KDM4B: variants seen among roughly 807,000 people sequenced by gnomAD.
KDM4B encodes the protein lysine demethylase 4B, also known as lysine-specific demethylase 4B.
KDM4B carries 32 observed loss-of-function variants against 125.2 expected under a neutral mutation model. The observed-to-expected ratio is 0.26, with a 90% CI of 0.19 to 0.34. The LOEUF (loss-of-function observed/expected upper bound fraction) is 0.34, where lower values mean the gene tolerates loss of function less well. KDM4B is among the 10% of genes least tolerant of loss of function. The probability of loss-of-function intolerance (pLI) is 1.00; values close to 1 mark genes in which losing one functional copy is unlikely to be tolerated. For missense variants in KDM4B, 1,190 were observed against 1,577.7 expected, an observed-to-expected ratio of 0.75 and a Z score of 4.16; for synonymous variants, 721 against 677.9, an observed-to-expected ratio of 1.06 and a Z score of -0.99.
intron 6 of KDM4B, among the ~76,000 whole-genome samples, chr19:5,062,879 C>G (rs565594703): frequency 6.7e-6 from 1 of 149,774 alleles, no homozygotes; most frequent in South Asian, 2.1e-4. Context: ...CTCTTGGACT[C>G]CAGTGATCCT....
intron 1 of KDM4B, among the ~76,000 whole-genome samples, chr19:5,010,142 G>A (rs1033372627): frequency 3.9e-5 from 6 of 152,182 alleles, no homozygotes; most frequent in Non-Finnish European, 7.3e-5. Flanking sequence ...GGCTCCTCCA[G>A]GTGTGCCAAG....
intron 1 of KDM4B, among the ~76,000 whole-genome samples, chr19:4,989,694 C>T (rs2034971276): frequency 6.6e-6 from 1 of 151,584 alleles, no homozygotes; most frequent in Non-Finnish European, 1.5e-5. Context: ...ACTTTGTTGT[C>T]CAGGCTGGAG....
At chr19:5,028,816 C>T (rs2036361740) in intron 2 of KDM4B, among the ~76,000 whole-genome samples, 1 of 152,216 alleles carries the variant, frequency 6.6e-6, no homozygotes, top group Admixed American at 6.5e-5. Flanking sequence ...TTGCATTTCC[C>T]TGGTGCTGAG....
At position 5,082,444 on chromosome 19, in the gene KDM4B, C is replaced by T. The variant is rs138183740; in HGVS notation, c.858C>T (p.Cys286=). The T allele has an allele frequency of 5.1e-5, 83 of 1,613,302 alleles. No homozygotes were observed. The highest frequency in any genetic ancestry group is 1.5e-4 in the African/African-American group (11 of 74,916). The change falls in exon 9 of 23, where the codon TGC becomes TGT. Residue 286 remains cysteine, a synonymous_variant. Coordinates refer to ENST00000159111, the MANE Select transcript of KDM4B (RefSeq NM_015015.3). This position sits in a 1 kb window ranked among gnomAD's most constrained non-coding sequence, Gnocchi z 5.4. The stretch of plus-strand genomic sequence containing the variant: ...CCGGCTTCAATCACGGGTTCAACTG[C>T]GCAGAATCTACCAACTTCGCCACCC... The part of the protein sequence containing the change: ...YHAGFNHGFN[C]AESTNFATLR...
intron 1 of KDM4B, among the ~76,000 whole-genome samples, chr19:4,984,723 C>T (rs2034770154): frequency 6.6e-6 from 1 of 152,164 alleles, no homozygotes. Flanking sequence ...AAACACTCTC[C>T]TCTTGGTGAG....
chr19:5,051,588 G>A (rs962034044), intron 6 of KDM4B, among the ~76,000 whole-genome samples: 3 of 152,220 alleles, frequency 2.0e-5, no homozygotes, highest in Non-Finnish European at 2.9e-5. Context: ...CCAAGGCGGC[G>A]AGAGGAAGGC....
chr19:5,077,007 A>G, intron 7 of KDM4B: 1 of 265,486 alleles, frequency 3.8e-6, no homozygotes, highest in South Asian at 6.0e-5. Context: ...GCACCTTGTC[A>G]CACAAGTAAC....
intron 11 of KDM4B, among the ~76,000 whole-genome samples, chr19:5,129,181 A>G (rs547443640): frequency 6.6e-6 from 1 of 151,630 alleles, no homozygotes; most frequent in African/African-American, 2.4e-5. Flanking sequence ...TGTGGGGAGG[A>G]GAGCTGGAGC....
chr19:5,080,636 C>G (rs11673509), intron 8 of KDM4B: 7 of 152,174 alleles, frequency 4.6e-5, no homozygotes, highest in African/African-American at 1.4e-4. Flanking sequence ...GAAAACCGTT[C>G]GGCATTTTCT....
intron 6 of KDM4B, among the ~76,000 whole-genome samples, chr19:5,070,161 T>A (rs1211311921): frequency 6.6e-6 from 1 of 152,158 alleles, no homozygotes; most frequent in Non-Finnish European, 1.5e-5. Context: ...TGCCCTCAAG[T>A]CCCTGAGGCC....
intron 2 of KDM4B, among the ~76,000 whole-genome samples, chr19:5,028,043 C>G (rs1218697910): frequency 6.6e-6 from 1 of 152,178 alleles, no homozygotes. Context: ...GGGGTGCAGT[C>G]ATAGCTCACT....
Position 5,151,472 on chromosome 19 carries a change from C to A in KDM4B, c.3252C>A (p.Ser1084Arg). The change falls in exon 23 of 23, where the codon AGC becomes AGA. Residue 1084 changes from serine to arginine, a missense_variant. By Grantham distance (110) the Ser-to-Arg change is moderately radical (BLOSUM62 -1). Around this residue, in one of 7 missense-constraint regions of KDM4B, gnomAD observed 109 missense variants for 93.8 expected, o/e 1.16. Coordinates refer to ENST00000159111, the MANE Select transcript of KDM4B (RefSeq NM_015015.3). ...AGGACTACGTGGCCTTCGTGGAGAG[C>A]CTCCTGCAGGTGCAGGGCCGGCCCG... ...RSQDYVAFVE[S>R]LLQVQGRPGA... 2 of 1,509,224 alleles carry A rather than the reference C, an allele frequency of 1.3e-6. No homozygotes were observed. The highest frequency in any genetic ancestry group is 1.8e-6 in the Non-Finnish European group (2 of 1,128,922). The allele number at this position is 1,509,224 out of a possible 1,614,324, so 93.5% of individuals were successfully genotyped here.
At chr19:5,062,360 C>T (rs183648156) in intron 6 of KDM4B, among the ~76,000 whole-genome samples, 21 of 152,350 alleles carry the variant, frequency 1.4e-4, no homozygotes, top group South Asian at 6.2e-4. Flanking sequence ...GGGTGGCCAT[C>T]GGTAGCATGC....
intron 1 of KDM4B, among the ~76,000 whole-genome samples, chr19:4,995,919 A>G (rs912461297): frequency 1.3e-5 from 2 of 152,194 alleles, no homozygotes; most frequent in Non-Finnish European, 2.9e-5. Flanking sequence ...GTGGCTCTGC[A>G]GTCCTTTATT....
rs111749767 is a variant in KDM4B at position 4,972,867 on chromosome 19, C to T, written c.-109+3637C>T. 5.3e-5 allele frequency among the ~76,000 whole-genome samples: 8 copies of T among 152,340 alleles called. 2 individuals carry two copies. Among genetic ancestry groups the T allele is most frequent in the African/African-American group, 1.9e-4 (8 of 41,592 alleles). On this transcript the variant is annotated intron_variant, in intron 1 of 22. Coordinates refer to ENST00000159111, the MANE Select transcript of KDM4B (RefSeq NM_015015.3). Reference sequence around the variant, plus strand: ...TTCCACCTGAGAGGACAGGAGCCCCCACGGGGTCCCCTGCACGCCCTGCAA... The same window carrying T: ...TTCCACCTGAGAGGACAGGAGCCCCTACGGGGTCCCCTGCACGCCCTGCAA...
At chr19:5,094,916 C>T (rs375004577) in intron 9 of KDM4B, among the ~76,000 whole-genome samples, 165 of 152,312 alleles carry the variant, frequency 1.1e-3, no homozygotes, top group African/African-American at 3.7e-3. Context: ...AGGTCATCGC[C>T]GTCACCACAG....
intron 6 of KDM4B, among the ~76,000 whole-genome samples, chr19:5,063,807 C>T (rs1473808838): frequency 4.6e-5 from 7 of 152,244 alleles, no homozygotes; most frequent in Admixed American, 6.5e-5. Flanking sequence ...GTTAACACGG[C>T]GCAGCACGGT....
chr19:5,099,636 G>T (rs1172696624), intron 9 of KDM4B, among the ~76,000 whole-genome samples: 1 of 152,210 alleles, frequency 6.6e-6, no homozygotes, highest in East Asian at 1.9e-4. Flanking sequence ...TGCTCCAGGG[G>T]CTTCTTGAGA....
chr19:5,062,803 T>A (rs1136405), intron 6 of KDM4B, among the ~76,000 whole-genome samples: 2 of 131,042 alleles, frequency 1.5e-5, no homozygotes, highest in African/African-American at 5.8e-5. Context: ...TTTTTAGAGA[T>A]AGAGTTTCCC....
Sources: allele counts gnomAD v4.1 joint callset (sites outside exome capture counted in the v4.1 genomes callset), GRCh38; gene constraint gnomAD v4.1.1; regional missense constraint gnomAD v4.1.1; non-coding constraint Gnocchi (gnomAD v3.1); transcripts MANE v1.5; gene names NCBI Gene and HGNC (gene_info 2026-07-23, HGNC 2026-07-21).